Variants in SYNE2 observed in about 807,000 individuals in gnomAD.
SYNE2 encodes the protein spectrin repeat containing nuclear envelope protein 2.
Under a neutral mutation model 856.3 loss-of-function variants are expected in SYNE2, and 431 were observed. The observed-to-expected ratio is 0.50, with a 90% CI of 0.47 to 0.55. The LOEUF (loss-of-function observed/expected upper bound fraction) is 0.55. SYNE2 is among the 20% of genes least tolerant of loss of function. The pLI is 0.00. For missense variants in SYNE2, 8,129 were observed against 8,023.2 expected, an observed-to-expected ratio of 1.01 and a Z score of -0.50; for synonymous variants, 2,923 against 2,872.3, an observed-to-expected ratio of 1.02 and a Z score of -0.56.
Position 64,001,820 on chromosome 14 carries a change from G to A in SYNE2, c.3639-114G>A, listed in dbSNP as rs552438081. The stretch of plus-strand genomic sequence containing the variant: ...AATGTGTATGTATATATCATTGTAT[G>A]TCTGTTTATTGGATAATTATTTTCT... On this transcript the variant is annotated intron_variant, in intron 28 of 115. Coordinates refer to ENST00000555002, the MANE Select transcript of SYNE2 (RefSeq NM_182914.3). 8.1e-5 allele frequency: 93 copies of A among 1,152,986 alleles called. 1 individual carries two copies. In the South Asian group the frequency reaches 1.0e-3, roughly 13 times the overall value. The allele number at this position is 1,152,986 out of a possible 1,614,324, so 71.4% of individuals were successfully genotyped here.
At chr14:64,128,625 G>A (rs1308978157) in intron 74 of SYNE2, 72 bp downstream of exon 74, 8 of 914,472 alleles carry the variant, frequency 8.7e-6, no homozygotes. Flanking sequence ...CCGTGCTTCT[G>A]AACTACTTTC....
chr14:63,929,653 C>G (rs1264613100), intron 2 of SYNE2, among the ~76,000 whole-genome samples: 1 of 151,924 alleles, frequency 6.6e-6, no homozygotes, highest in South Asian at 2.1e-4. Context: ...CGCCTGTAAT[C>G]CCAGCTACTC....
intron 45 of SYNE2, among the ~76,000 whole-genome samples, chr14:64,036,773 A>G (rs955713525): frequency 1.3e-5 from 2 of 152,158 alleles, no homozygotes; most frequent in Non-Finnish European, 2.9e-5. Context: ...ACTAAATAAA[A>G]TTCTTATTCT....
Position 64,053,197 on chromosome 14 carries a change from AG to A in SYNE2, c.9285del (p.Lys3095AsnfsTer7). 1 of 1,614,026 alleles carries A rather than the reference AG, an allele frequency of 6.2e-7. No individual in the cohort carries two copies. The highest frequency in any genetic ancestry group is 8.5e-7 in the Non-Finnish European group (1 of 1,179,980). On this transcript the variant is annotated frameshift_variant, in exon 48 of 116. Transcript: ENST00000555002. LOFTEE classifies it high-confidence loss of function. ...QILSQRIEKA[K>X]CLCDEIIKKL... is the part of the protein sequence containing the mutation. The stretch of plus-strand genomic sequence containing the variant: ...TTAAGTCAGAGAATTGAGAAAGCCA[AG>A]TGTTTATGTGATGAGATAATAAAGA...
intron 96 of SYNE2, among the ~76,000 whole-genome samples, chr14:64,185,916 T>C (rs1365168520): frequency 6.6e-6 from 1 of 152,250 alleles, no homozygotes; most frequent in Non-Finnish European, 1.5e-5. Flanking sequence ...TCTTCCGTTA[T>C]ACTTACTCAT....
intron 32 of SYNE2, among the ~76,000 whole-genome samples, chr14:64,013,460 T>G (rs1470062241): frequency 6.6e-6 from 1 of 152,160 alleles, no homozygotes; most frequent in Non-Finnish European, 1.5e-5. Flanking sequence ...TAGGTAAATT[T>G]TCAGCCCTCA....
chr14:64,225,901 A>G lies in SYNE2; in HGVS notation c.*375A>G. ...GTGGTGTCCATCACATATATTATAG[A>G]AGCAAGCGAGGACATTCCACCCTAG... On this transcript the variant is annotated 3_prime_UTR_variant, in exon 116 of 116. Coordinates refer to ENST00000555002, the MANE Select transcript of SYNE2 (RefSeq NM_182914.3). The G allele has an allele frequency of 2.1e-6, 1 of 471,484 alleles. No homozygotes were observed. The highest frequency in any genetic ancestry group is 1.9e-5 in the African/African-American group (1 of 52,194). The allele number at this position is 471,484 out of a possible 1,614,324, so 29.2% of individuals were successfully genotyped here.
intron 66 of SYNE2, among the ~76,000 whole-genome samples, chr14:64,117,265 G>A (rs1048517237): frequency 5.3e-5 from 8 of 152,070 alleles, no homozygotes; most frequent in African/African-American, 1.9e-4. Flanking sequence ...TTAGAGAGAG[G>A]ACCCAAGTCT....
rs747637323 is a variant in SYNE2, at chr14:64,053,426, A to G, written c.9513A>G (p.Gln3171=). The change falls in exon 48 of 116, where the codon CAA becomes CAG. Residue 3171 remains glutamine, a synonymous_variant. Transcript: ENST00000555002. ...ATGTTTTAAATCAGATAAAATCTCA[A>G]TTACAGCAGCCATTACTTATAAATT... ...SLHVLNQIKS[Q]LQQPLLINLE... The G allele has an allele frequency of 5.6e-6, 9 of 1,613,024 alleles. No individual in the cohort carries two copies. The highest frequency in any genetic ancestry group is 2.7e-5 in the African/African-American group (2 of 74,882).
At position 64,052,611 on chromosome 14, in the gene SYNE2, A is replaced by C. The variant is rs558451144; in HGVS notation, c.8698A>C (p.Asn2900His). The change falls in exon 48 of 116, where the codon AAC (asparagine) becomes CAC (histidine). Residue 2900 changes from asparagine to histidine, a missense_variant. Asn to His is a moderately conservative substitution (Grantham distance 68). Transcript: ENST00000555002. ...CTCAACACATCTTCAGGAGCTAACAAACATCTATGAGGAGCTGAATGTGTT... is the reference window on the plus strand; with the variant it reads ...CTCAACACATCTTCAGGAGCTAACACACATCTATGAGGAGCTGAATGTGTT... Reference protein sequence around the residue: ...GISTHLQELTNIYEELNVFER... With the variant: ...GISTHLQELTHIYEELNVFER... 6.2e-7 allele frequency: 1 copy of C among 1,614,142 alleles called. No homozygotes were observed. The highest frequency in any genetic ancestry group is 1.7e-5 in the Admixed American group (1 of 60,002).
chr14:63,954,159 A>T (rs2096209687), intron 7 of SYNE2, among the ~76,000 whole-genome samples: 1 of 152,098 alleles, frequency 6.6e-6, no homozygotes, highest in African/African-American at 2.4e-5. Context: ...ATCTGTCATG[A>T]TGGGTTTTAA....
intron 98 of SYNE2, among the ~76,000 whole-genome samples, chr14:64,189,583 T>C (rs2098508095): frequency 6.6e-6 from 1 of 152,226 alleles, no homozygotes; most frequent in Admixed American, 6.5e-5. Context: ...GCTTTTGAAT[T>C]AAATAACTAT....
At chr14:64,220,287 C>T (rs1053314406) in intron 110 of SYNE2, 150 bp from the exon 111 acceptor site, 6 of 898,758 alleles carry the variant, frequency 6.7e-6, no homozygotes, top group Admixed American at 4.1e-5. Flanking sequence ...TCACCTGATG[C>T]TTTCCAGCCA....
intron 107 of SYNE2, chr14:64,215,898 G>C: frequency 7.9e-7 from 1 of 1,258,936 alleles, no homozygotes; most frequent in Non-Finnish European, 1.0e-6. Flanking sequence ...AGTCCATCTT[G>C]ATGTTCACTC....
intron 1 of SYNE2, among the ~76,000 whole-genome samples, chr14:63,863,444 C>G (rs532143533): frequency 6.6e-6 from 1 of 152,050 alleles, no homozygotes; most frequent in Non-Finnish European, 1.5e-5. Context: ...CATCTTTAGC[C>G]GCTTCTGTGT....
chr14:64,225,285 C>A (rs1307457992), intron 115 of SYNE2, 34 bp from the exon 116 acceptor site: 1 of 1,614,058 alleles, frequency 6.2e-7, no homozygotes, highest in Admixed American at 1.7e-5. Flanking sequence ...CCTGTGGAGC[C>A]TCCCAATCAG....
intron 94 of SYNE2, among the ~76,000 whole-genome samples, chr14:64,170,847 A>C (rs2098407139): frequency 1.3e-5 from 2 of 152,222 alleles, no homozygotes; most frequent in Non-Finnish European, 2.9e-5. Flanking sequence ...CTTGAAGGGC[A>C]AATTCAATGG....
chr14:64,208,145 TCCAAGCCA>T (rs1194651509), intron 100 of SYNE2: 5 of 455,952 alleles, frequency 1.1e-5, no homozygotes, highest in Non-Finnish European at 2.2e-5. Context: ...CCCACCTCTC[TCCAAGCCA>T]CCACAGCTTT....
intron 111 of SYNE2, among the ~76,000 whole-genome samples, 161 bp downstream of exon 111, chr14:64,220,798 C>T (rs1016200993): frequency 2.0e-5 from 3 of 152,186 alleles, no homozygotes; most frequent in African/African-American, 7.2e-5. Flanking sequence ...GGCTCACCGG[C>T]CATCTCAGAG....
Sources: gnomAD v4.1 joint callset for allele counts (sites outside exome capture counted in the v4.1 genomes callset) on GRCh38, gnomAD v4.1.1 for gene constraint, MANE v1.5 for transcripts, NCBI Gene and HGNC (gene_info 2026-07-23, HGNC 2026-07-21) for gene names.